The following PAPPA variants were observed in gnomAD, a reference collection of about 807,000 sequenced individuals.
PAPPA encodes pappalysin 1.
A neutral mutation model predicts 164.0 loss-of-function variants in PAPPA; 60 were observed. The ratio of observed to expected loss-of-function variants is 0.37; its 90% CI spans 0.30 to 0.45. PAPPA has a LOEUF of 0.45. Ranked by LOEUF, PAPPA falls within the 20% of genes least tolerant of loss-of-function variation. PAPPA has a pLI of 1.00. For synonymous variants in PAPPA, 875 were observed against 814.1 expected (o/e 1.07, Z -1.27); for missense variants, 1,782 against 2,087.3 (o/e 0.85, Z 2.85).
intron 9 of PAPPA, among the ~76,000 whole-genome samples, chr9:116,285,171 C>CT: frequency 0.094 from 8,373 of 89,168 alleles, 740 homozygotes; most frequent in East Asian, 0.31. Flanking sequence ...TTCTTTCTTT[C>CT]TTTTTTTTTT....
intron 3 of PAPPA, among the ~76,000 whole-genome samples, chr9:116,210,274 T>C (rs1844290509): frequency 6.6e-6 from 1 of 152,140 alleles, no homozygotes; most frequent in African/African-American, 2.4e-5. Context: ...AGAAATTCAA[T>C]CTCTGAAATT....
intron 1 of PAPPA, among the ~76,000 whole-genome samples, chr9:116,163,280 G>A (rs182613969): frequency 1.1e-4 from 17 of 152,312 alleles, no homozygotes; most frequent in Admixed American, 1.1e-3. Context: ...TAGGAATGCT[G>A]TGTGGGAGTG....
At chr9:116,211,082 C>T (rs1029490186) in intron 3 of PAPPA, among the ~76,000 whole-genome samples, 2 of 152,190 alleles carry the variant, frequency 1.3e-5, no homozygotes, top group African/African-American at 4.8e-5. Flanking sequence ...GTGAATACAG[C>T]ATGGTGCTGA....
At chr9:116,378,025 TAC>T (rs1846678467) in intron 20 of PAPPA, among the ~76,000 whole-genome samples, 2 of 152,344 alleles carry the variant, frequency 1.3e-5, no homozygotes, top group South Asian at 4.1e-4. Context: ...ATTTAACCTT[TAC>T]AGAGTCAGGT....
chr9:116,348,491 T>C (rs909210292), intron 15 of PAPPA, among the ~76,000 whole-genome samples: 47 of 152,190 alleles, frequency 3.1e-4, no homozygotes, highest in African/African-American at 1.1e-3. Context: ...ACAACAGTTT[T>C]TTTAAAAAAA....
intron 2 of PAPPA, among the ~76,000 whole-genome samples, chr9:116,201,578 A>C (rs1243490817): frequency 1.3e-5 from 2 of 152,174 alleles, no homozygotes; most frequent in Admixed American, 6.5e-5. Flanking sequence ...AGAATTCTGC[A>C]TCTCGAGGGT....
chr9:116,398,717 A>G lies in PAPPA; in HGVS notation c.*2101A>G, dbSNP rs1239618148. 1 of 464,986 alleles carries G rather than the reference A, an allele frequency of 2.2e-6. No homozygotes were observed. The highest frequency in any genetic ancestry group is 2.0e-5 in the African/African-American group (1 of 50,260). The allele number at this position is 464,986 out of a possible 1,614,324, so 28.8% of individuals were successfully genotyped here. A position where few individuals can be genotyped will look rare whatever the true frequency, so the allele number is the denominator to read the frequency against. On this transcript the variant is annotated 3_prime_UTR_variant, in exon 22 of 22. Transcript: ENST00000328252. ...TTCACAAACTCTGAAATTGGGTTCC[A>G]TATTGGCAAGGCTGCCACAGTTGTT...
At chr9:116,348,662 C>T (rs1266309975) in intron 15 of PAPPA, among the ~76,000 whole-genome samples, 2 of 152,152 alleles carry the variant, frequency 1.3e-5, no homozygotes, top group Non-Finnish European at 2.9e-5. Context: ...CCATCCTCTT[C>T]CCTGTGATAG....
intron 21 of PAPPA, among the ~76,000 whole-genome samples, chr9:116,390,531 G>A (rs1588033017): frequency 6.6e-6 from 1 of 152,206 alleles, no homozygotes; most frequent in Non-Finnish European, 1.5e-5. Flanking sequence ...TTGAAGCACT[G>A]AGCCAGTGTA....
At chr9:116,160,061 G>T (rs760773789) in intron 1 of PAPPA, among the ~76,000 whole-genome samples, 1 of 152,200 alleles carries the variant, frequency 6.6e-6, no homozygotes, top group Non-Finnish European at 1.5e-5. Flanking sequence ...GGGTTGGCCT[G>T]GGAACGGGTG....
At position 116,195,910 on chromosome 9, in the gene PAPPA, G is replaced by A. The variant is rs552804814; in HGVS notation, c.1478+7694G>A. ...TAAAATATTTTTTTTAATTCCAAAA[G>A]TCCTGTATAAACCGAATGCTAATAT... On this transcript the variant is annotated intron_variant, in intron 2 of 21. Transcript: ENST00000328252. Among the ~76,000 whole-genome samples the A allele has an allele frequency of 1.2e-4, 19 of 152,078 alleles. 1 individual carries two copies. Among genetic ancestry groups the A allele is most frequent in the Admixed American group, 1.2e-3 (18 of 15,280 alleles).
At chr9:116,242,982 G>C (rs1052613291) in intron 7 of PAPPA, among the ~76,000 whole-genome samples, 1 of 151,968 alleles carries the variant, frequency 6.6e-6, no homozygotes, top group Non-Finnish European at 1.5e-5. Flanking sequence ...TCTATGACTT[G>C]TCTATTCATA....
intron 5 of PAPPA, among the ~76,000 whole-genome samples, chr9:116,224,745 GT>G (rs1844484487): frequency 6.6e-6 from 1 of 152,176 alleles, no homozygotes; most frequent in African/African-American, 2.4e-5. Context: ...ATTAAATTAA[GT>G]TTAAATAGCC....
At chr9:116,267,905 A>G (rs957543786) in intron 8 of PAPPA, among the ~76,000 whole-genome samples, 5 of 149,388 alleles carry the variant, frequency 3.3e-5, no homozygotes, top group South Asian at 2.1e-4. Context: ...AAAAAAAAAA[A>G]AAAAGAAATG....
intron 9 of PAPPA, among the ~76,000 whole-genome samples, chr9:116,282,947 A>T (rs955521238): frequency 2.6e-5 from 4 of 152,226 alleles, no homozygotes; most frequent in South Asian, 2.1e-4. Context: ...TACCAAAGAG[A>T]TGTTAACATA....
intron 14 of PAPPA, 63 bp from the exon 15 acceptor site, chr9:116,346,963 G>T (rs1160884293): frequency 5.8e-6 from 8 of 1,386,102 alleles, no homozygotes; most frequent in South Asian, 1.4e-5. Context: ...TGGGAAGAAG[G>T]GTATTTCTCC....
chr9:116,193,315 A>T (rs1257902804), intron 2 of PAPPA, among the ~76,000 whole-genome samples: 3 of 151,978 alleles, frequency 2.0e-5, no homozygotes, highest in Non-Finnish European at 4.4e-5. Context: ...CCCCTGCTCT[A>T]ATCAGGGCCA....
intron 8 of PAPPA, among the ~76,000 whole-genome samples, chr9:116,269,218 G>A (rs1999351): frequency 0.63 from 96,036 of 152,020 alleles, 30,744 homozygotes; most frequent in East Asian, 0.89. Flanking sequence ...AATACTTTAC[G>A]GATAAACAAT....
intron 4 of PAPPA, among the ~76,000 whole-genome samples, chr9:116,217,998 C>A (rs894439287): frequency 2.0e-5 from 3 of 152,192 alleles, no homozygotes; most frequent in Non-Finnish European, 4.4e-5. Flanking sequence ...AAAAAAGTGT[C>A]CAATTATCTG....
Sources: gnomAD v4.1 joint callset for allele counts (sites outside exome capture counted in the v4.1 genomes callset) on GRCh38, gnomAD v4.1.1 for gene constraint, MANE v1.5 for transcripts, NCBI Gene and HGNC (gene_info 2026-07-23, HGNC 2026-07-21) for gene names.